Variants in ATXN10 observed in about 807,000 individuals in gnomAD.
ATXN10 encodes the protein ataxin 10.
In ATXN10, 28 loss-of-function variants were observed where a neutral mutation model predicts 52.9. The observed-to-expected ratio is 0.53, with a 90% CI of 0.39 to 0.73. The LOEUF (loss-of-function observed/expected upper bound fraction) is 0.73. Among genes scored for constraint, ATXN10 ranks in the 30% least tolerant of loss-of-function variants. ATXN10 has a pLI of 0.00. For missense variants in ATXN10, 565 were observed against 577.0 expected (o/e 0.98, Z 0.21); for synonymous variants, 226 against 221.5 (o/e 1.02, Z -0.18).
Position 45,825,944 on chromosome 22 carries a change from C to T in ATXN10, c.1238-17047C>T, listed in dbSNP as rs1333562525. The stretch of plus-strand genomic sequence containing the variant: ...AGGCGTGGTGGTGTGCACCTGTAGT[C>T]CCAGCTACTTGGGAGGCTGAGGTGG... On this transcript the variant is annotated intron_variant, in intron 10 of 11. Transcript: ENST00000252934. This position sits in a 1 kb window ranked among gnomAD's most constrained non-coding sequence, Gnocchi z 4.5. 6.6e-6 allele frequency among the ~76,000 whole-genome samples: 1 copy of T among 152,072 alleles called. No individual in the cohort carries two copies. The highest frequency in any genetic ancestry group is 2.4e-5 in the African/African-American group (1 of 41,402).
At position 45,835,328 on chromosome 22, in the gene ATXN10, G is replaced by A. The variant is rs770668044; in HGVS notation, c.1238-7663G>A. On this transcript the variant is annotated intron_variant, in intron 10 of 11. Coordinates refer to ENST00000252934, the MANE Select transcript of ATXN10 (RefSeq NM_013236.4). The surrounding 1 kb of genome is among the most constrained non-coding windows in gnomAD (Gnocchi z 5.0). ...GTGAGGGATGGAGAGTACACGCCCA[G>A]CAAGGCCTGGACAGCGCACTGGTGC... 2.0e-5 allele frequency among the ~76,000 whole-genome samples: 3 copies of A among 152,226 alleles called. No homozygotes were observed. The highest frequency in any genetic ancestry group is 4.4e-5 in the Non-Finnish European group (3 of 68,054).
intron 10 of ATXN10, among the ~76,000 whole-genome samples, chr22:45,810,170 A>G (rs953102050): frequency 6.6e-6 from 1 of 152,228 alleles, no homozygotes; most frequent in African/African-American, 2.4e-5. Flanking sequence ...GTTACTGAAA[A>G]GAACATGTGT....
At chr22:45,719,234 C>T (rs954468848) in intron 6 of ATXN10, among the ~76,000 whole-genome samples, 1 of 152,054 alleles carries the variant, frequency 6.6e-6, no homozygotes, top group African/African-American at 2.4e-5. Context: ...AACTACAGAT[C>T]TAGTGATGAA....
rs778234077 is a variant in ATXN10, at chr22:45,689,750, A to G, written c.155A>G (p.Asp52Gly). 2 of 1,614,068 alleles carry G rather than the reference A, an allele frequency of 1.2e-6. No homozygotes were observed. Among genetic ancestry groups the G allele is most frequent in the Non-Finnish European group, 1.7e-6 (2 of 1,180,022 alleles). The stretch of plus-strand genomic sequence containing the variant: ...AGGACTATCTTCCAAAGAGTTCTGG[A>G]TATCCTAAAGAAATCTTCTCATGCT... Reference protein sequence around the residue: ...APRTIFQRVLDILKKSSHAVE... With the variant: ...APRTIFQRVLGILKKSSHAVE... The change falls in exon 2 of 12, where the codon GAT (aspartate) becomes GGT (glycine). Residue 52 changes from aspartate to glycine, a missense_variant. Coordinates refer to ENST00000252934, the MANE Select transcript of ATXN10 (RefSeq NM_013236.4).
chr22:45,788,846 G>A (rs913194352), intron 9 of ATXN10, among the ~76,000 whole-genome samples: 46 of 151,910 alleles, frequency 3.0e-4, no homozygotes, highest in African/African-American at 1.0e-3. Context: ...ATGAGGTCTC[G>A]CCGTGTTGTT....
In ATXN10 at chr22:45,769,882, G is replaced by A. The variant is rs1209439069; in HGVS notation, c.1173+29344G>A. On this transcript the variant is annotated intron_variant, in intron 9 of 11. Coordinates refer to ENST00000252934, the MANE Select transcript of ATXN10 (RefSeq NM_013236.4). This position sits in a 1 kb window ranked among gnomAD's most constrained non-coding sequence, Gnocchi z 4.2. ...TAAAAAATATAAAAAATTTTCTGAT[G>A]AAATGTAAGTTATAAACATGTTGGT... is the stretch of plus-strand genomic sequence containing the variant. 6.6e-6 allele frequency among the ~76,000 whole-genome samples: 1 copy of A among 152,170 alleles called. No individual in the cohort carries two copies. The highest frequency in any genetic ancestry group is 2.4e-5 in the African/African-American group (1 of 41,438).
In ATXN10 at chr22:45,729,508, A is replaced by G. The variant is rs1449684293; in HGVS notation, c.812A>G (p.His271Arg). ...TKDDIPVFLR[H>R]AELIASTFVD... ...GATGACATCCCTGTGTTTTTGCGGC[A>G]TGCTGAGTTGATTGCAAGCACCTTT... Residue 271 changes from histidine to arginine, a missense_variant, in exon 7 of 12, where the codon CAT (histidine) becomes CGT (arginine). Coordinates refer to ENST00000252934, the MANE Select transcript of ATXN10 (RefSeq NM_013236.4). 1.9e-6 allele frequency: 3 copies of G among 1,614,168 alleles called. No individual in the cohort carries two copies. Among genetic ancestry groups the G allele is most frequent in the Non-Finnish European group, 2.5e-6 (3 of 1,180,028 alleles).
chr22:45,705,445 T>C lies in ATXN10; in HGVS notation c.647+2598T>C, dbSNP rs1924001294. Among the ~76,000 whole-genome samples the C allele has an allele frequency of 6.6e-6, 1 of 152,120 alleles. No individual in the cohort carries two copies. The highest frequency in any genetic ancestry group is 1.5e-5 in the Non-Finnish European group (1 of 68,014). The stretch of plus-strand genomic sequence containing the variant: ...GTTACTTGTTACAGGTCTTGGTTTT[T>C]TTTTTTGAGACGGAGTCTCACTCTG... On this transcript the variant is annotated intron_variant, in intron 5 of 11. Coordinates refer to ENST00000252934, the MANE Select transcript of ATXN10 (RefSeq NM_013236.4). The surrounding 1 kb of genome is among the most constrained non-coding windows in gnomAD (Gnocchi z 5.2).
intron 9 of ATXN10, among the ~76,000 whole-genome samples, chr22:45,755,314 A>G (rs1409445782): frequency 3.3e-5 from 5 of 152,222 alleles, no homozygotes; most frequent in Non-Finnish European, 7.3e-5. Flanking sequence ...GTCAAAATGC[A>G]AACACACCTT....
chr22:45,836,840 A>C (rs951897804), intron 10 of ATXN10, among the ~76,000 whole-genome samples: 1 of 152,254 alleles, frequency 6.6e-6, no homozygotes, highest in African/African-American at 2.4e-5. Context: ...AGATGTGACA[A>C]GGGATTTGTG....
chr22:45,739,908 G>A (rs1165244491), intron 8 of ATXN10, among the ~76,000 whole-genome samples: 1 of 152,156 alleles, frequency 6.6e-6, no homozygotes, highest in Admixed American at 6.5e-5. Flanking sequence ...GCTGGCTTCT[G>A]ATGATTTGGC....
chr22:45,749,570 T>G (rs926118866), intron 9 of ATXN10, among the ~76,000 whole-genome samples: 6 of 152,184 alleles, frequency 3.9e-5, no homozygotes, highest in Admixed American at 2.6e-4. Context: ...TTTCTTTTTT[T>G]CTTTTTTAAG....
intron 9 of ATXN10, among the ~76,000 whole-genome samples, chr22:45,776,863 G>A (rs571343597): frequency 2.0e-5 from 3 of 152,256 alleles, no homozygotes; most frequent in African/African-American, 7.2e-5. Context: ...TCTGAGACAA[G>A]AGTTTTTAAA....
chr22:45,704,638 C>G (rs546457425), intron 5 of ATXN10, among the ~76,000 whole-genome samples: 2 of 152,132 alleles, frequency 1.3e-5, no homozygotes, highest in Non-Finnish European at 2.9e-5. Context: ...TGCAATCTTT[C>G]TTCCTGAACT....
Position 45,819,449 on chromosome 22 carries a change from G to A in ATXN10, c.1237+12427G>A, listed in dbSNP as rs899026074. On this transcript the variant is annotated intron_variant, in intron 10 of 11. Coordinates refer to ENST00000252934, the MANE Select transcript of ATXN10 (RefSeq NM_013236.4). This position sits in a 1 kb window ranked among gnomAD's most constrained non-coding sequence, Gnocchi z 4.5. The stretch of plus-strand genomic sequence containing the variant: ...TCTGCACGGAACGAACACAAAGTTC[G>A]GTAGTCACAGGACACCCTTGCCGTG... Among the ~76,000 whole-genome samples the A allele has an allele frequency of 2.6e-5, 4 of 152,186 alleles. No individual in the cohort carries two copies. Among genetic ancestry groups the A allele is most frequent in the Non-Finnish European group, 4.4e-5 (3 of 68,036 alleles).
chr22:45,843,693 G>T lies in ATXN10; in HGVS notation c.*22G>T. On this transcript the variant is annotated 3_prime_UTR_variant, in exon 12 of 12. Coordinates refer to ENST00000252934, the MANE Select transcript of ATXN10 (RefSeq NM_013236.4). This position sits in a 1 kb window ranked among gnomAD's most constrained non-coding sequence, Gnocchi z 4.5. The stretch of plus-strand genomic sequence containing the variant: ...GTGAATGAACTACATCCAAATACCT[G>T]AATTTTTGGAATCTGTTTCATGGAT... 1 of 1,607,950 alleles carries T rather than the reference G, an allele frequency of 6.2e-7. No individual in the cohort carries two copies. The highest frequency in any genetic ancestry group is 1.1e-5 in the South Asian group (1 of 90,656).
intron 9 of ATXN10, among the ~76,000 whole-genome samples, chr22:45,765,295 G>A (rs1926543433): frequency 6.6e-6 from 1 of 152,132 alleles, no homozygotes; most frequent in African/African-American, 2.4e-5. Context: ...AGGCTGTGAG[G>A]AGCAAGACAA....
chr22:45,740,719 CATATATAT>C (rs1555891806), intron 9 of ATXN10, 181 bp downstream of exon 9: 13 of 339,528 alleles, frequency 3.8e-5, no homozygotes, highest in Admixed American at 3.0e-4. Context: ...CACACACACA[CATATATAT>C]ACACACACAC....
rs1014508160 is a variant in ATXN10, at chr22:45,795,410, A to T, written c.1174-11549A>T. On this transcript the variant is annotated intron_variant, in intron 9 of 11. Transcript: ENST00000252934. This position sits in a 1 kb window ranked among gnomAD's most constrained non-coding sequence, Gnocchi z 4.6. Reference sequence around the variant, plus strand: ...ATTCTATTCTATTCTATTCTATTCTATTCTATTCTATTCTTTTTGAGATGA... The same window carrying T: ...ATTCTATTCTATTCTATTCTATTCTTTTCTATTCTATTCTTTTTGAGATGA... Among the ~76,000 whole-genome samples the T allele has an allele frequency of 6.9e-6, 1 of 145,782 alleles. No individual in the cohort carries two copies. Among genetic ancestry groups the T allele is most frequent in the Non-Finnish European group, 1.5e-5 (1 of 65,622 alleles).
Sources: allele counts gnomAD v4.1 joint callset (sites outside exome capture counted in the v4.1 genomes callset), GRCh38; gene constraint gnomAD v4.1.1; non-coding constraint Gnocchi (gnomAD v3.1); transcripts MANE v1.5; gene names NCBI Gene and HGNC (gene_info 2026-07-23, HGNC 2026-07-21).